The following DPY19L1 variants were observed in gnomAD, a reference collection of about 807,000 sequenced individuals.
The protein encoded by DPY19L1 is dpy-19 like C-mannosyltransferase 1.
DPY19L1 carries 35 observed loss-of-function variants against 96.9 expected under a neutral mutation model. The observed-to-expected ratio is 0.36, with a 90% CI of 0.28 to 0.48. The LOEUF (loss-of-function observed/expected upper bound fraction) is 0.48, where lower values mean the gene tolerates loss of function less well. DPY19L1 is among the 20% of genes least tolerant of loss of function. The pLI, the probability that DPY19L1 is intolerant of heterozygous loss-of-function variation, is 0.99. For synonymous variants in DPY19L1, 205 were observed against 252.6 expected (o/e 0.81, Z 1.79); for missense variants, 521 against 777.9 (o/e 0.67, Z 3.93).
chr7:34,995,965 A>G (rs946759993), intron 6 of DPY19L1, among the ~76,000 whole-genome samples: 2 of 151,980 alleles, frequency 1.3e-5, no homozygotes, highest in African/African-American at 2.4e-5. Flanking sequence ...AAGAGATAGG[A>G]AAGAAAGATG....
chr7:34,997,183 T>A (rs1030964338), intron 6 of DPY19L1, among the ~76,000 whole-genome samples: 4 of 151,986 alleles, frequency 2.6e-5, no homozygotes, highest in Non-Finnish European at 5.9e-5. Context: ...CCAACAACTT[T>A]CATCAATTTA....
intron 7 of DPY19L1, chr7:34,987,868 C>T (rs1215956486): frequency 6.6e-6 from 1 of 151,908 alleles, no homozygotes; most frequent in Non-Finnish European, 1.5e-5. Flanking sequence ...AATTTTAATG[C>T]CATTACCTGT....
chr7:35,009,333 A>G (rs1252862233), intron 6 of DPY19L1, among the ~76,000 whole-genome samples: 1 of 152,260 alleles, frequency 6.6e-6, no homozygotes, highest in East Asian at 1.9e-4. Flanking sequence ...TCTGTACTAC[A>G]AAGAATCAAT....
chr7:34,936,692 A>C (rs540975682), intron 21 of DPY19L1, among the ~76,000 whole-genome samples: 4 of 152,342 alleles, frequency 2.6e-5, no homozygotes, highest in African/African-American at 9.6e-5. Flanking sequence ...ACATTTTCTG[A>C]ATTATTACAA....
In DPY19L1 at chr7:34,930,287, T is replaced by A. The variant is rs1413053775; in HGVS notation, c.*1286A>T. 1.3e-5 allele frequency: 2 copies of A among 152,230 alleles called. No individual in the cohort carries two copies. The highest frequency in any genetic ancestry group is 2.9e-5 in the Non-Finnish European group (2 of 68,046). The allele number at this position is 152,230 out of a possible 1,614,324, so 9.4% of individuals were successfully genotyped here. Reference sequence around the variant, plus strand: ...TTTCATCGTTTTGAAGAATCTCATTTCACACAAATTAACTTCTAAGAAACA... The same window carrying A: ...TTTCATCGTTTTGAAGAATCTCATTACACACAAATTAACTTCTAAGAAACA... On this transcript the variant is annotated 3_prime_UTR_variant, in exon 22 of 22. Transcript: ENST00000638088.
chr7:34,980,425 T>C (rs758697402), intron 7 of DPY19L1, among the ~76,000 whole-genome samples: 3 of 151,922 alleles, frequency 2.0e-5, no homozygotes, highest in Non-Finnish European at 2.9e-5. Flanking sequence ...TAAATGGAAC[T>C]TCATGAAAAT....
chr7:35,005,681 T>C (rs1033495819), intron 6 of DPY19L1, among the ~76,000 whole-genome samples: 14 of 143,134 alleles, frequency 9.8e-5, no homozygotes, highest in Non-Finnish European at 1.1e-4. Context: ...GGTGTGGTGG[T>C]GCGCGCCTGT....
In DPY19L1 at chr7:34,929,061, G is replaced by A. The variant is rs1783695253; in HGVS notation, c.*2512C>T. Reference sequence around the variant, plus strand: ...ATTTTTTTTGCCAAGCATTTTTAGAGGCTTATCTTTTTAAAGAAATACAGC... The same window carrying A: ...ATTTTTTTTGCCAAGCATTTTTAGAAGCTTATCTTTTTAAAGAAATACAGC... On this transcript the variant is annotated 3_prime_UTR_variant, in exon 22 of 22. Transcript: ENST00000638088. 1 of 151,968 alleles carries A rather than the reference G, an allele frequency of 6.6e-6. No homozygotes were observed. Among genetic ancestry groups the A allele is most frequent in the Non-Finnish European group, 1.5e-5 (1 of 68,000 alleles). 9.4% of individuals were successfully genotyped at this position (151,968 alleles called of 1,614,324 possible).
At chr7:35,015,654 T>G (rs1178411725) in intron 3 of DPY19L1, among the ~76,000 whole-genome samples, 1 of 152,244 alleles carries the variant, frequency 6.6e-6, no homozygotes, top group Non-Finnish European at 1.5e-5. Flanking sequence ...CTCTTGTTTA[T>G]CATATGATGA....
At chr7:34,987,502 C>A (rs1785076073) in intron 7 of DPY19L1, among the ~76,000 whole-genome samples, 1 of 151,974 alleles carries the variant, frequency 6.6e-6, no homozygotes, top group Non-Finnish European at 1.5e-5. Context: ...AAAAAGTAAA[C>A]CTATGCTATC....
chr7:35,023,887 GTAC>G lies in DPY19L1; in HGVS notation c.299-5294_299-5292del. The stretch of plus-strand genomic sequence containing the variant: ...GTCTTGCTCTGTCACCCAGGCTGGA[GTAC>G]AGTGGCTTGATCTCGGCTCACTGCA... On this transcript the variant is annotated intron_variant, in intron 1 of 21. Coordinates refer to ENST00000638088, the MANE Select transcript of DPY19L1 (RefSeq NM_001366673.1). Among the ~76,000 whole-genome samples, 4 of 136,104 alleles carry G rather than the reference GTAC, an allele frequency of 2.9e-5. 1 individual carries two copies. In the Admixed American group the frequency reaches 3.4e-4, roughly 12 times the overall value. The allele number at this position is 136,104 out of a possible 152,430, so 89.3% of individuals were successfully genotyped here. A position where few individuals can be genotyped will look rare whatever the true frequency, so the allele number is the denominator to read the frequency against.
In DPY19L1 at chr7:34,931,294, C is replaced by T. The variant is rs937977278; in HGVS notation, c.*279G>A. 8.5e-6 allele frequency: 2 copies of T among 235,468 alleles called. No individual in the cohort carries two copies. Among genetic ancestry groups the T allele is most frequent in the South Asian group, 1.6e-4 (1 of 6,314 alleles). 14.6% of individuals were successfully genotyped at this position (235,468 alleles called of 1,614,324 possible). ...CACAACCCACTGTGTTTTCTTTATA[C>T]AGGTAGCTTTGCTCACTTTAGCACA... is the stretch of plus-strand genomic sequence containing the variant. On this transcript the variant is annotated 3_prime_UTR_variant, in exon 22 of 22. Transcript: ENST00000638088.
intron 6 of DPY19L1, among the ~76,000 whole-genome samples, chr7:35,004,476 G>A (rs936330759): frequency 4.6e-5 from 7 of 152,194 alleles, no homozygotes; most frequent in Non-Finnish European, 1.5e-5. Context: ...TCTTCTGAGG[G>A]TTGAGGGAAG....
At chr7:35,022,145 G>A (rs1489323446) in intron 1 of DPY19L1, among the ~76,000 whole-genome samples, 1 of 152,012 alleles carries the variant, frequency 6.6e-6, no homozygotes, top group East Asian at 1.9e-4. Flanking sequence ...AGTGTTTATC[G>A]ACGTTTTTGA....
In DPY19L1 at chr7:34,973,610, A is replaced by G. The variant is rs1240784415; in HGVS notation, c.823-5T>C. 14 of 1,424,826 alleles carry G rather than the reference A, an allele frequency of 9.8e-6. No homozygotes were observed. The highest frequency in any genetic ancestry group is 1.5e-5 in the African/African-American group (1 of 68,540). The allele number at this position is 1,424,826 out of a possible 1,614,324, so 88.3% of individuals were successfully genotyped here. A position where few individuals can be genotyped will look rare whatever the true frequency, so the allele number is the denominator to read the frequency against. ...TGTCCACATTACACGGGTACACTGA[A>G]AAAAAAAATTTGTAGTATAGTATAC... is the stretch of plus-strand genomic sequence containing the variant. On this transcript the variant is annotated splice_polypyrimidine_tract_variant and splice_region_variant and intron_variant, in intron 7 of 21. Transcript: ENST00000638088.
intron 6 of DPY19L1, among the ~76,000 whole-genome samples, chr7:34,990,250 T>C (rs1785138285): frequency 6.6e-6 from 1 of 152,200 alleles, no homozygotes; most frequent in Non-Finnish European, 1.5e-5. Flanking sequence ...TGATATTTCT[T>C]TTTATTTTCT....
chr7:35,031,608 T>C (rs144987536), intron 1 of DPY19L1, among the ~76,000 whole-genome samples: 46 of 152,326 alleles, frequency 3.0e-4, no homozygotes, highest in African/African-American at 1.0e-3. Context: ...AACATCCAAA[T>C]ACCCATATGT....
At chr7:35,009,503 C>A (rs1295112290) in intron 6 of DPY19L1, among the ~76,000 whole-genome samples, 9 of 152,152 alleles carry the variant, frequency 5.9e-5, no homozygotes, top group Admixed American at 1.3e-4. Flanking sequence ...TAAATCAGGT[C>A]AGATACTAAA....
chr7:35,003,066 G>T (rs534860373), intron 6 of DPY19L1, among the ~76,000 whole-genome samples: 2 of 152,104 alleles, frequency 1.3e-5, no homozygotes, highest in Non-Finnish European at 2.9e-5. Flanking sequence ...CACCGTGCCC[G>T]GCCAGCAACC....
Sources: gnomAD v4.1 joint callset for allele counts (sites outside exome capture counted in the v4.1 genomes callset) on GRCh38, gnomAD v4.1.1 for gene constraint, MANE v1.5 for transcripts, NCBI Gene and HGNC (gene_info 2026-07-23, HGNC 2026-07-21) for gene names.